Variants in NPSR1 observed in about 807,000 individuals in gnomAD.
NPSR1 encodes neuropeptide S receptor 1.
NPSR1 carries 48 observed loss-of-function variants against 46.9 expected under a neutral mutation model. The observed-to-expected ratio is 1.02, with a 90% CI of 0.81 to 1.30. The LOEUF (loss-of-function observed/expected upper bound fraction) is 1.30. Ranked by LOEUF, NPSR1 falls within the 50% of genes most tolerant of loss-of-function variation. The probability of loss-of-function intolerance (pLI) is 0.00; values close to 1 mark genes in which losing one functional copy is unlikely to be tolerated. For synonymous variants in NPSR1, 176 were observed against 168.1 expected (o/e 1.05, Z -0.36); for missense variants, 450 against 449.5 (o/e 1.00, Z -0.01).
chr7:34,683,483 A>G (rs2128683507), intron 1 of NPSR1, among the ~76,000 whole-genome samples: 2 of 152,088 alleles, frequency 1.3e-5, no homozygotes, highest in East Asian at 3.9e-4. Flanking sequence ...GGACTGTCAG[A>G]TTCATAGCAT....
At chr7:34,724,894 C>T (rs571878014) in intron 2 of NPSR1, among the ~76,000 whole-genome samples, 6 of 152,136 alleles carry the variant, frequency 3.9e-5, no homozygotes, top group African/African-American at 1.4e-4. Flanking sequence ...GTAGCAAAGT[C>T]CTCATTTTGT....
Position 34,658,622 on chromosome 7 carries a change from A to AACTTAAGC in NPSR1, c.147+63_147+64insACTTAAGC, listed in dbSNP as rs1791302422. 21 of 1,491,204 alleles carry AACTTAAGC rather than the reference A, an allele frequency of 1.4e-5. No homozygotes were observed. In the Admixed American group the frequency reaches 3.3e-4, roughly 24 times the overall value. 92.4% of individuals were successfully genotyped at this position (1,491,204 alleles called of 1,614,324 possible). Reference sequence around the variant, plus strand: ...AACAATGAGACTGCTGGAACTTAAGAGTGTCAATTGAAGTATCATAGCCAG... The same window carrying AACTTAAGC: ...AACAATGAGACTGCTGGAACTTAAGAACTTAAGCGTGTCAATTGAAGTATCATAGCCAG... On this transcript the variant is annotated intron_variant, in intron 1 of 8. Coordinates refer to ENST00000360581, the MANE Select transcript of NPSR1 (RefSeq NM_207172.2).
Position 34,684,608 on chromosome 7 carries a change from C to T in NPSR1, c.204C>T (p.Ser68=), listed in dbSNP as rs1397756074. The change falls in exon 2 of 9, where the codon TCC becomes TCT. Residue 68 remains serine, a synonymous_variant. Coordinates refer to ENST00000360581, the MANE Select transcript of NPSR1 (RefSeq NM_207172.2). ...VLFVFTIVGN[S]VVLFSTWRRK... is the part of the protein sequence containing the mutation. ...TTGTTTTTACCATTGTTGGAAACTC[C>T]GTTGTGCTTTTTTCCACATGGAGGA... 6.2e-6 allele frequency: 10 copies of T among 1,613,500 alleles called. No individual in the cohort carries two copies. Among genetic ancestry groups the T allele is most frequent in the African/African-American group, 2.7e-5 (2 of 74,984 alleles).
chr7:34,708,436 A>T (rs1469864366), intron 2 of NPSR1, among the ~76,000 whole-genome samples: 1 of 152,166 alleles, frequency 6.6e-6, no homozygotes, highest in Non-Finnish European at 1.5e-5. Context: ...TCCCCAAAAC[A>T]CATGGGCTGA....
chr7:34,766,665 T>C (rs992300223), intron 2 of NPSR1, among the ~76,000 whole-genome samples: 7 of 151,976 alleles, frequency 4.6e-5, no homozygotes, highest in Non-Finnish European at 8.8e-5. Context: ...CTCCGCCTCC[T>C]GGGTTCACGC....
rs1207354405 is a variant in NPSR1, at chr7:34,792,671, ATATG to A, written c.384+14110_384+14113del. On this transcript the variant is annotated intron_variant, in intron 3 of 8. Coordinates refer to ENST00000360581, the MANE Select transcript of NPSR1 (RefSeq NM_207172.2). The stretch of plus-strand genomic sequence containing the variant: ...TATATATGTATATATATATTTATAT[ATATG>A]TATATATATATATGTATATATATAC... 1.4e-3 allele frequency among the ~76,000 whole-genome samples: 167 copies of A among 122,264 alleles called. 3 individuals carry two copies. Among genetic ancestry groups the A allele is most frequent in the African/African-American group, 5.0e-3 (163 of 32,518 alleles). The allele number at this position is 122,264 out of a possible 152,430, so 80.2% of individuals were successfully genotyped here. A position where few individuals can be genotyped will look rare whatever the true frequency, so the allele number is the denominator to read the frequency against.
chr7:34,674,513 T>A (rs1204284145), intron 1 of NPSR1, among the ~76,000 whole-genome samples: 1 of 152,184 alleles, frequency 6.6e-6, no homozygotes, highest in Non-Finnish European at 1.5e-5. Context: ...GCCACACAAG[T>A]CTCAGGGACA....
intron 2 of NPSR1, among the ~76,000 whole-genome samples, chr7:34,688,271 C>A (rs563519354): frequency 1.3e-5 from 2 of 152,096 alleles, no homozygotes; most frequent in Non-Finnish European, 2.9e-5. Flanking sequence ...CCATGCACAA[C>A]GTTCAGCACT....
chr7:34,836,747 A>T (rs1474867626), intron 6 of NPSR1, among the ~76,000 whole-genome samples: 1 of 149,116 alleles, frequency 6.7e-6, no homozygotes, highest in African/African-American at 2.5e-5. Flanking sequence ...GGGTAGAAGA[A>T]GAGAGGCGGG....
intron 2 of NPSR1, among the ~76,000 whole-genome samples, chr7:34,697,899 A>G (rs1489843699): frequency 2.0e-5 from 3 of 152,094 alleles, no homozygotes; most frequent in Non-Finnish European, 4.4e-5. Context: ...TTGTAAATGG[A>G]CTAAATATTC....
intron 2 of NPSR1, among the ~76,000 whole-genome samples, chr7:34,755,649 G>A (rs1008108608): frequency 6.6e-6 from 1 of 152,064 alleles, no homozygotes; most frequent in African/African-American, 2.4e-5. Flanking sequence ...TTTGTGAGCT[G>A]CTTATTTTTA....
intron 1 of NPSR1, among the ~76,000 whole-genome samples, chr7:34,675,026 C>T (rs1369900031): frequency 6.6e-6 from 1 of 152,192 alleles, no homozygotes; most frequent in Non-Finnish European, 1.5e-5. Flanking sequence ...CATGGTCTTT[C>T]CAGTTAAGCA....
intron 8 of NPSR1, among the ~76,000 whole-genome samples, chr7:34,869,659 T>A (rs1791404564): frequency 6.6e-6 from 1 of 151,816 alleles, no homozygotes; most frequent in Admixed American, 6.5e-5. Context: ...ATTCATTCAT[T>A]CATTTAACAA....
At chr7:34,775,519 A>G (rs751397555) in intron 2 of NPSR1, among the ~76,000 whole-genome samples, 2 of 152,052 alleles carry the variant, frequency 1.3e-5, no homozygotes, top group Non-Finnish European at 2.9e-5. Flanking sequence ...GTTATTTGTT[A>G]TTGGTCATAG....
chr7:34,704,494 A>C (rs1205243324), intron 2 of NPSR1, among the ~76,000 whole-genome samples: 1 of 152,202 alleles, frequency 6.6e-6, no homozygotes, highest in Non-Finnish European at 1.5e-5. Context: ...GAACTTATTA[A>C]GAGTGTCTTT....
At chr7:34,870,244 G>C (rs1421272028) in intron 8 of NPSR1, among the ~76,000 whole-genome samples, 1 of 151,748 alleles carries the variant, frequency 6.6e-6, no homozygotes, top group Non-Finnish European at 1.5e-5. Context: ...CCACTGTACT[G>C]TAAATTTCTT....
At chr7:34,824,360 G>C (rs1789724503) in intron 4 of NPSR1, among the ~76,000 whole-genome samples, 1 of 152,140 alleles carries the variant, frequency 6.6e-6, no homozygotes, top group Admixed American at 6.5e-5. Flanking sequence ...TGACTTTCCG[G>C]GGGTGAGAAA....
intron 2 of NPSR1, among the ~76,000 whole-genome samples, chr7:34,705,492 T>C (rs1474002579): frequency 3.3e-5 from 5 of 151,970 alleles, no homozygotes; most frequent in African/African-American, 1.2e-4. Flanking sequence ...TCTCATCTTT[T>C]AGTATTTTTG....
chr7:34,834,592 C>G, intron 6 of NPSR1, 132 bp downstream of exon 6: 1 of 694,206 alleles, frequency 1.4e-6, no homozygotes, highest in Non-Finnish European at 2.6e-6. Context: ...GCCGGCAGAC[C>G]AGACCCACCA....
Sources: allele counts gnomAD v4.1 joint callset (sites outside exome capture counted in the v4.1 genomes callset), GRCh38; gene constraint gnomAD v4.1.1; transcripts MANE v1.5; gene names NCBI Gene and HGNC (gene_info 2026-07-23, HGNC 2026-07-21).